Variants in SLC26A4 observed in about 807,000 individuals in gnomAD.
The protein encoded by SLC26A4 is solute carrier family 26 member 4.
A neutral mutation model predicts 90.4 loss-of-function variants in SLC26A4; 93 were observed. The observed-to-expected ratio is 1.03, with a 90% CI of 0.87 to 1.22. The LOEUF is 1.22. Among genes scored for constraint, SLC26A4 ranks in the 50% most tolerant of loss-of-function variants. The pLI is 0.00. For missense variants in SLC26A4, 1,127 were observed against 946.2 expected, an observed-to-expected ratio of 1.19 and a Z score of -2.51; for synonymous variants, 393 against 354.6, an observed-to-expected ratio of 1.11 and a Z score of -1.22.
chr7:107,698,489 G>A (rs1199167122), intron 14 of SLC26A4, among the ~76,000 whole-genome samples: 2 of 151,934 alleles, frequency 1.3e-5, no homozygotes, highest in Non-Finnish European at 2.9e-5. Flanking sequence ...GCTAATTTTT[G>A]TATTTTTAGT....
chr7:107,697,596 G>A (rs748414656), intron 13 of SLC26A4, among the ~76,000 whole-genome samples: 4 of 152,142 alleles, frequency 2.6e-5, no homozygotes, highest in Non-Finnish European at 4.4e-5. Flanking sequence ...ACAAAGAAGC[G>A]CCAGGCACTG....
At chr7:107,697,856 C>T (rs141620648) in intron 13 of SLC26A4, among the ~76,000 whole-genome samples, 186 bp from the exon 14 acceptor site, 2 of 152,316 alleles carry the variant, frequency 1.3e-5, no homozygotes, top group African/African-American at 4.8e-5. Context: ...GTTCTCCCCT[C>T]CCCTGCCGAT....
chr7:107,700,250 G>A (rs1039337704), intron 15 of SLC26A4, 75 bp downstream of exon 15: 1 of 775,866 alleles, frequency 1.3e-6, no homozygotes, highest in Non-Finnish European at 2.3e-6. Context: ...TATTTACTGG[G>A]GTCCAATCAG....
chr7:107,683,534 G>A lies in SLC26A4; in HGVS notation c.998G>A (p.Arg333Lys), dbSNP rs1791313702. 4 of 1,613,222 alleles carry A rather than the reference G, an allele frequency of 2.5e-6. No homozygotes were observed. The highest frequency in any genetic ancestry group is 1.7e-5 in the Admixed American group (1 of 59,988). ...YNAGIVKSIPRGFLPPELPPV... is the reference protein window; with the variant it reads ...YNAGIVKSIPKGFLPPELPPV... ...GCTGGCATTGTTAAATCCATCCCAA[G>A]GGGGTGAGTGTGGTGTTCCTCTTAG... Residue 333 changes from arginine (R) to lysine (K), a missense_variant, in exon 8 of 21, where the codon AGG becomes AAG. Physicochemically the swap from Arg to Lys is conservative, Grantham distance 26 (BLOSUM62 2). Transcript: ENST00000644269.
rs1554359670 is a variant in SLC26A4 at position 107,694,650 on chromosome 7, C to A, written c.1371C>A (p.Asn457Lys). Residue 457 changes from asparagine (N) to lysine (K), a missense_variant, in exon 12 of 21, where the codon AAC becomes AAA. Coordinates refer to ENST00000644269, the MANE Select transcript of SLC26A4 (RefSeq NM_000441.2). Reference protein sequence around the residue: ...KSVLAAVVIANLKGMFMQLCD... With the variant: ...KSVLAAVVIAKLKGMFMQLCD... Reference sequence around the variant, plus strand: ...TCTTGGCAGCTGTTGTAATTGCCAACCTGAAAGGGATGTTTATGCAGCTGT... The same window carrying A: ...TCTTGGCAGCTGTTGTAATTGCCAAACTGAAAGGGATGTTTATGCAGCTGT... 3.7e-6 allele frequency: 6 copies of A among 1,613,626 alleles called. No individual in the cohort carries two copies. The highest frequency in any genetic ancestry group is 5.1e-6 in the Non-Finnish European group (6 of 1,179,584).
chr7:107,675,851 C>T (rs980615948), intron 6 of SLC26A4, among the ~76,000 whole-genome samples: 9 of 151,298 alleles, frequency 5.9e-5, no homozygotes, highest in African/African-American at 1.5e-4. Context: ...GGATTACAGG[C>T]GTGAGCCACC....
rs1451756708 is a variant in SLC26A4, at chr7:107,661,335, A to T, written c.-3-304A>T. The T allele has an allele frequency of 2.0e-6, 1 of 504,424 alleles. No individual in the cohort carries two copies. Among genetic ancestry groups the T allele is most frequent in the African/African-American group, 2.0e-5 (1 of 50,674 alleles). The allele number at this position is 504,424 out of a possible 1,614,324, so 31.2% of individuals were successfully genotyped here. On this transcript the variant is annotated intron_variant, in intron 1 of 20. Coordinates refer to ENST00000644269, the MANE Select transcript of SLC26A4 (RefSeq NM_000441.2). The surrounding 1 kb of genome is among the most constrained non-coding windows in gnomAD (Gnocchi z 5.1). ...GCGCCCTGGCTGCGGGCCATAGGGG[A>T]CTGGGTGGAACTCGGGAAGCCCCCA...
At chr7:107,687,178 G>A (rs1316546624) in intron 8 of SLC26A4, among the ~76,000 whole-genome samples, 1 of 152,184 alleles carries the variant, frequency 6.6e-6, no homozygotes, top group Non-Finnish European at 1.5e-5. Context: ...ACTCCCTTGG[G>A]CTCTTCATAG....
chr7:107,711,186 GA>G lies in SLC26A4; in HGVS notation c.2235+996del, dbSNP rs368636497. Among the ~76,000 whole-genome samples the G allele has an allele frequency of 7.1e-3, 1,045 of 146,446 alleles. 9 individuals are homozygous for G. The highest frequency in any genetic ancestry group is 0.025 in the African/African-American group (1,003 of 40,066). On this transcript the variant is annotated intron_variant, in intron 19 of 20. Transcript: ENST00000644269. Reference sequence around the variant, plus strand: ...AAAAGAGTAAAGCTACAAATCTAAAGAAAAAAAAACTGTTTATCATTGAAAA... The same window carrying G: ...AAAAGAGTAAAGCTACAAATCTAAAGAAAAAAAACTGTTTATCATTGAAAA...
intron 6 of SLC26A4, among the ~76,000 whole-genome samples, chr7:107,682,210 G>A (rs1266290308): frequency 1.3e-5 from 2 of 151,292 alleles, no homozygotes; most frequent in Non-Finnish European, 2.9e-5. Flanking sequence ...ATGCTTGTCA[G>A]GAGATATACC....
At chr7:107,686,886 T>C (rs981653502) in intron 8 of SLC26A4, among the ~76,000 whole-genome samples, 78 of 152,162 alleles carry the variant, frequency 5.1e-4, no homozygotes, top group African/African-American at 1.9e-3. Context: ...CTACTGTTGT[T>C]TTTAAAGTAT....
Position 107,683,247 on chromosome 7 carries a change from G to A in SLC26A4, c.811G>A (p.Asp271Asn), listed in dbSNP as rs1791297600. The A allele has an allele frequency of 6.2e-7, 1 of 1,612,918 alleles. No individual in the cohort carries two copies. Residue 271 changes from aspartate (D) to asparagine (N), a missense_variant, in exon 7 of 21, where the codon GAT becomes AAT. Transcript: ENST00000644269. The stretch of plus-strand genomic sequence containing the variant: ...AAATATTGGTGATACCAATCTTGCT[G>A]ATTTCACTGCTGGATTGCTCACCAT... Reference protein sequence around the residue: ...FQNIGDTNLADFTAGLLTIVV... With the variant: ...FQNIGDTNLANFTAGLLTIVV...
At chr7:107,673,402 C>T (rs2129311565) in intron 4 of SLC26A4, among the ~76,000 whole-genome samples, 1 of 152,064 alleles carries the variant, frequency 6.6e-6, no homozygotes, top group East Asian at 1.9e-4. Flanking sequence ...TTAATCCTAA[C>T]TTCGACCCTG....
chr7:107,677,632 G>T (rs1335271082), intron 6 of SLC26A4, among the ~76,000 whole-genome samples: 3 of 150,498 alleles, frequency 2.0e-5, no homozygotes, highest in African/African-American at 7.4e-5. Flanking sequence ...TTGAGACAGG[G>T]TCTTGCCCCA....
At chr7:107,708,504 A>C (rs1331338838) in intron 18 of SLC26A4, among the ~76,000 whole-genome samples, 2 of 152,096 alleles carry the variant, frequency 1.3e-5, no homozygotes, top group African/African-American at 2.4e-5. Context: ...TCATAAGTCC[A>C]TATTTAGAAA....
Position 107,661,468 on chromosome 7 carries a change from TGGG to T in SLC26A4, c.-3-169_-3-167del, listed in dbSNP as rs752697598. 1.4e-6 allele frequency: 1 copy of T among 734,946 alleles called. No homozygotes were observed. Among genetic ancestry groups the T allele is most frequent in the African/African-American group, 1.7e-5 (1 of 57,516 alleles). The allele number at this position is 734,946 out of a possible 1,614,324, so 45.5% of individuals were successfully genotyped here. On this transcript the variant is annotated intron_variant, in intron 1 of 20. Transcript: ENST00000644269. This position sits in a 1 kb window ranked among gnomAD's most constrained non-coding sequence, Gnocchi z 5.1. ...CCCTGCAGGCTGGCCGTGCGCGCCG[TGGG>T]GCGCTTGTCGCGAGCGCCGAGGGCT... is the stretch of plus-strand genomic sequence containing the variant.
Position 107,661,801 on chromosome 7 carries a change from T to G in SLC26A4, c.160T>G (p.Cys54Gly), listed in dbSNP as rs1010621794. ...KTLRESLAKCCSCSRKRAFGV... is the reference protein window; with the variant it reads ...KTLRESLAKCGSCSRKRAFGV... The stretch of plus-strand genomic sequence containing the variant: ...GCTGCGGGAGAGCCTGGCCAAGTGC[T>G]GCAGGTAGCGGCCGCGCGGGCCTGC... The change falls in exon 2 of 21, where the codon TGC becomes GGC. Residue 54 changes from cysteine to glycine, a missense_variant. Physicochemically the swap from Cys to Gly is radical, Grantham distance 159. Coordinates refer to ENST00000644269, the MANE Select transcript of SLC26A4 (RefSeq NM_000441.2). The surrounding 1 kb of genome is among the most constrained non-coding windows in gnomAD (Gnocchi z 5.1). 1.3e-6 allele frequency: 2 copies of G among 1,536,362 alleles called. No homozygotes were observed. Among genetic ancestry groups the G allele is most frequent in the African/African-American group, 2.7e-5 (2 of 72,984 alleles).
At chr7:107,678,578 T>C (rs1280640581) in intron 6 of SLC26A4, among the ~76,000 whole-genome samples, 1 of 152,202 alleles carries the variant, frequency 6.6e-6, no homozygotes, top group Non-Finnish European at 1.5e-5. Context: ...TTAAACCAAG[T>C]GCAGTCATTA....
At chr7:107,687,942 G>A (rs569430765) in intron 8 of SLC26A4, among the ~76,000 whole-genome samples, 1 of 152,138 alleles carries the variant, frequency 6.6e-6, no homozygotes, top group Admixed American at 6.6e-5. Flanking sequence ...GTCTCATTGT[G>A]GGGTAGGATG....
Sources: gnomAD v4.1 joint callset for allele counts (sites outside exome capture counted in the v4.1 genomes callset) on GRCh38, gnomAD v4.1.1 for gene constraint, Gnocchi (gnomAD v3.1) non-coding constraint, MANE v1.5 for transcripts, NCBI Gene and HGNC (gene_info 2026-07-23, HGNC 2026-07-21) for gene names.